The following PTPRG variants were observed in gnomAD, a reference collection of about 807,000 sequenced individuals.
PTPRG encodes the protein receptor-type tyrosine-protein phosphatase gamma.
In PTPRG, 102 loss-of-function variants were observed where a neutral mutation model predicts 165.3. The ratio of observed to expected loss-of-function variants is 0.62; its 90% CI spans 0.53 to 0.73. PTPRG has a LOEUF of 0.73. Among genes scored for constraint, PTPRG ranks in the 30% least tolerant of loss-of-function variants. PTPRG has a pLI of 0.00. For synonymous variants in PTPRG, 675 were observed against 669.5 expected, an observed-to-expected ratio of 1.01 and a Z score of -0.13; for missense variants, 1,866 against 1,861.4, an observed-to-expected ratio of 1.00 and a Z score of -0.05.
intron 2 of PTPRG, among the ~76,000 whole-genome samples, chr3:61,968,695 G>A (rs1395345486): frequency 6.6e-6 from 1 of 152,046 alleles, no homozygotes; most frequent in East Asian, 1.9e-4. Context: ...GTTGACTTTG[G>A]CCTATTCATT....
intron 2 of PTPRG, among the ~76,000 whole-genome samples, chr3:61,912,715 G>A (rs1488306173): frequency 6.6e-6 from 1 of 152,098 alleles, no homozygotes; most frequent in Non-Finnish European, 1.5e-5. Context: ...TTGGGAGGTT[G>A]GCATTTCTTT....
At chr3:61,830,618 A>G (rs1341101026) in intron 2 of PTPRG, among the ~76,000 whole-genome samples, 2 of 120,490 alleles carry the variant, frequency 1.7e-5, no homozygotes, top group Admixed American at 1.2e-4. Context: ...CTTGTTGCCC[A>G]TGCTGGAGTG....
chr3:61,581,226 G>A (rs78477232), intron 1 of PTPRG, among the ~76,000 whole-genome samples: 6,649 of 152,252 alleles, frequency 0.044, 176 homozygotes, highest in African/African-American at 0.067. Context: ...AAATCTAGTC[G>A]TTAATTCCCC....
At chr3:62,277,456 A>C in intron 25 of PTPRG, 95 bp from the exon 26 acceptor site, 1 of 1,385,578 alleles carries the variant, frequency 7.2e-7, no homozygotes, top group South Asian at 1.3e-5. Flanking sequence ...GTGTAGTCAA[A>C]ACAGTGCTAT....
chr3:61,905,469 A>G (rs190445276), intron 2 of PTPRG, among the ~76,000 whole-genome samples: 9 of 152,168 alleles, frequency 5.9e-5, no homozygotes, highest in Non-Finnish European at 7.3e-5. Flanking sequence ...TTGTCTTTCA[A>G]AACTTCATGT....
intron 1 of PTPRG, among the ~76,000 whole-genome samples, chr3:61,701,439 C>A (rs1485887483): frequency 6.6e-6 from 1 of 152,128 alleles, no homozygotes; most frequent in Non-Finnish European, 1.5e-5. Context: ...ATTTATGTTT[C>A]ATCTCTACTT....
chr3:61,574,224 A>G (rs763714602), intron 1 of PTPRG, among the ~76,000 whole-genome samples: 1 of 152,116 alleles, frequency 6.6e-6, no homozygotes, highest in African/African-American at 2.4e-5. Flanking sequence ...AGAGCGCAAA[A>G]ATGAATGCCA....
At chr3:61,633,864 G>A (rs1701831828) in intron 1 of PTPRG, among the ~76,000 whole-genome samples, 1 of 151,630 alleles carries the variant, frequency 6.6e-6, no homozygotes, top group South Asian at 2.1e-4. Flanking sequence ...TTCAGGTTGA[G>A]GAAGTTCTCT....
In PTPRG at chr3:62,294,138, G is replaced by C. The variant is rs1237307066; in HGVS notation, c.*831G>C. On this transcript the variant is annotated 3_prime_UTR_variant, in exon 30 of 30. Transcript: ENST00000474889. The stretch of plus-strand genomic sequence containing the variant: ...AATATTATATACAACTCAGTTATGA[G>C]ACCCTTTAGTTATTCTCCATTAATG... The C allele has an allele frequency of 5.9e-5, 9 of 151,994 alleles. No individual in the cohort carries two copies. The highest frequency in any genetic ancestry group is 1.0e-4 in the Non-Finnish European group (7 of 67,996). The allele number at this position is 151,994 out of a possible 1,614,324, so 9.4% of individuals were successfully genotyped here. A position where few individuals can be genotyped will look rare whatever the true frequency, so the allele number is the denominator to read the frequency against.
chr3:61,894,707 T>G (rs1450502123), intron 2 of PTPRG, among the ~76,000 whole-genome samples: 2 of 152,198 alleles, frequency 1.3e-5, no homozygotes, highest in Non-Finnish European at 2.9e-5. Context: ...GCAATGAGGC[T>G]CTTAAAACAT....
In PTPRG at chr3:61,972,390, T is replaced by C. The variant is rs148694407; in HGVS notation, c.191-17235T>C. Among the ~76,000 whole-genome samples, 359 of 151,986 alleles carry C rather than the reference T, an allele frequency of 2.4e-3. 2 individuals are homozygous for C. Among genetic ancestry groups the C allele is most frequent in the Non-Finnish European group, 2.7e-3 (185 of 68,002 alleles). ...TCTTTGTCTTTTACTCTGAATGATG[T>C]AGCATGCTGTTGGGGGGTTTCATGC... is the stretch of plus-strand genomic sequence containing the variant. On this transcript the variant is annotated intron_variant, in intron 2 of 29. Transcript: ENST00000474889.
intron 4 of PTPRG, among the ~76,000 whole-genome samples, chr3:62,059,877 G>A (rs1700750597): frequency 6.6e-6 from 1 of 152,100 alleles, no homozygotes. Context: ...ACTTCTTGCT[G>A]CTGCCATGTG....
At chr3:62,113,244 G>A (rs941634482) in intron 5 of PTPRG, among the ~76,000 whole-genome samples, 1 of 152,070 alleles carries the variant, frequency 6.6e-6, no homozygotes, top group Non-Finnish European at 1.5e-5. Flanking sequence ...TGGGAATATG[G>A]CCTGTTCCTA....
At chr3:62,054,493 C>T (rs1022741207) in intron 4 of PTPRG, among the ~76,000 whole-genome samples, 5 of 152,102 alleles carry the variant, frequency 3.3e-5, no homozygotes, top group African/African-American at 7.2e-5. Flanking sequence ...GGGATAGAAA[C>T]GTGGGCCAGG....
chr3:61,908,840 C>T (rs539344506), intron 2 of PTPRG, among the ~76,000 whole-genome samples: 4 of 152,122 alleles, frequency 2.6e-5, no homozygotes, highest in African/African-American at 7.2e-5. Context: ...AGGCTTAACA[C>T]GTAAGAGTCT....
intron 5 of PTPRG, among the ~76,000 whole-genome samples, chr3:62,080,846 A>G (rs1701546092): frequency 6.6e-6 from 1 of 152,186 alleles, no homozygotes; most frequent in East Asian, 1.9e-4. Flanking sequence ...TATTTCGAGG[A>G]CACCGCTACT....
At chr3:61,767,240 C>CAAAAAAAAAAA (rs71100976) in intron 2 of PTPRG, among the ~76,000 whole-genome samples, 39 of 111,540 alleles carry the variant, frequency 3.5e-4, no homozygotes, top group African/African-American at 1.1e-3. Flanking sequence ...GATTCCATCT[C>CAAAAAAAAAAA]AAAAAAAAAA....
intron 11 of PTPRG, among the ~76,000 whole-genome samples, chr3:62,202,299 G>C (rs1018895557): frequency 2.0e-5 from 3 of 152,090 alleles, no homozygotes; most frequent in Non-Finnish European, 2.9e-5. Flanking sequence ...CCGAGTCTTA[G>C]ACCCAGGCAG....
intron 1 of PTPRG, among the ~76,000 whole-genome samples, chr3:61,565,060 G>T (rs1239154499): frequency 6.6e-6 from 1 of 152,184 alleles, no homozygotes; most frequent in African/African-American, 2.4e-5. Flanking sequence ...TAGTATTTTT[G>T]TGTTTCCTCT....
Sources: gnomAD v4.1 joint callset for allele counts (sites outside exome capture counted in the v4.1 genomes callset) on GRCh38, gnomAD v4.1.1 for gene constraint, MANE v1.5 for transcripts, NCBI Gene and HGNC (gene_info 2026-07-23, HGNC 2026-07-21) for gene names.